Variants in N4BP2L2 observed in about 807,000 individuals in gnomAD.
N4BP2L2 encodes the protein NEDD4 binding protein 2 like 2.
N4BP2L2 carries 50 observed loss-of-function variants against 56.2 expected under a neutral mutation model. The ratio of observed to expected loss-of-function variants is 0.89; its 90% CI spans 0.71 to 1.13. N4BP2L2 has a LOEUF of 1.13. N4BP2L2 is among the 50% of genes most tolerant of loss of function. The pLI, the probability that N4BP2L2 is intolerant of heterozygous loss-of-function variation, is 0.00. For missense variants in N4BP2L2, 689 were observed against 693.8 expected (o/e 0.99, Z 0.08); for synonymous variants, 203 against 223.6 (o/e 0.91, Z 0.82).
At chr13:32,517,524 T>C (rs760812369) in exon 6 of N4BP2L2, 1 of 1,136,022 alleles carries the variant, frequency 8.8e-7, no homozygotes. Flanking sequence ...AATTCGATTG[T>C]AGAAAAACAT....
chr13:32,451,863 C>G (rs966125459), intron 6 of N4BP2L2, among the ~76,000 whole-genome samples: 3 of 151,858 alleles, frequency 2.0e-5, no homozygotes, highest in Admixed American at 6.6e-5. Flanking sequence ...TAAAAAGAAA[C>G]AGAAAGCCTG....
At chr13:32,499,855 C>T (rs2089615463) in intron 6 of N4BP2L2, among the ~76,000 whole-genome samples, 1 of 152,174 alleles carries the variant, frequency 6.6e-6, no homozygotes, top group Admixed American at 6.5e-5. Flanking sequence ...CACCAAGAAA[C>T]CATACAGCTA....
chr13:32,488,815 C>CA (rs1160523648), intron 6 of N4BP2L2, among the ~76,000 whole-genome samples: 2 of 151,758 alleles, frequency 1.3e-5, no homozygotes, highest in Admixed American at 6.6e-5. Flanking sequence ...AGAAATTAGG[C>CA]AAAAAAAGAA....
exon 7 of N4BP2L2, chr13:32,442,894 A>C (rs1410479767): frequency 6.2e-7 from 1 of 1,612,824 alleles, no homozygotes; most frequent in African/African-American, 1.3e-5. Context: ...AAAGGTCATA[A>C]GTTTTTGTTT....
At chr13:32,475,650 G>A (rs970337398) in intron 6 of N4BP2L2, among the ~76,000 whole-genome samples, 1 of 152,148 alleles carries the variant, frequency 6.6e-6, no homozygotes, top group Non-Finnish European at 1.5e-5. Context: ...AGGGAAGATG[G>A]AGCCTCCATC....
At chr13:32,455,049 G>A (rs1030720297) in intron 6 of N4BP2L2, among the ~76,000 whole-genome samples, 7 of 152,198 alleles carry the variant, frequency 4.6e-5, no homozygotes, top group Admixed American at 4.6e-4. Flanking sequence ...TGATAGCACT[G>A]CTCCAGAGAG....
At chr13:32,438,986 G>A (rs751341141) in intron 7 of N4BP2L2, among the ~76,000 whole-genome samples, 3 of 152,228 alleles carry the variant, frequency 2.0e-5, no homozygotes, top group South Asian at 2.1e-4. Flanking sequence ...AGCTTGGCTC[G>A]TCCAATCTAG....
In N4BP2L2 at chr13:32,444,407, G is replaced by C. The variant is rs1043928400; in HGVS notation, c.366-281C>G. On this transcript the variant is annotated intron_variant, in intron 6 of 9. Coordinates refer to the N4BP2L2 transcript ENST00000357505. ...ATCCTCGCAAGTAGCTGGTATTATG[G>C]GTGCCCACCACCACGCTTGTCTAAT... 3.3e-5 allele frequency among the ~76,000 whole-genome samples: 5 copies of C among 152,088 alleles called. No individual in the cohort carries two copies. The East Asian group carries it at 7.8e-4, about 24-fold the overall frequency.
At chr13:32,523,941 G>C (rs1162497232) in intron 3 of N4BP2L2, 1 of 152,120 alleles carries the variant, frequency 6.6e-6, no homozygotes, top group African/African-American at 2.4e-5. Context: ...AACACCTCTT[G>C]TTCCCCATTA....
chr13:32,532,353 C>T (rs116760645), intron 2 of N4BP2L2, among the ~76,000 whole-genome samples: 3 of 152,194 alleles, frequency 2.0e-5, no homozygotes, highest in African/African-American at 7.2e-5. Flanking sequence ...TTTTAAAAAC[C>T]TCTATTTTCT....
chr13:32,477,405 G>C (rs1428874935), intron 6 of N4BP2L2: 1 of 176,762 alleles, frequency 5.7e-6, no homozygotes, highest in Non-Finnish European at 1.2e-5. Context: ...TTAATGTATT[G>C]CAGCAAATTC....
At chr13:32,433,412 C>T (rs550281430) in intron 9 of N4BP2L2, among the ~76,000 whole-genome samples, 1 of 152,108 alleles carries the variant, frequency 6.6e-6, no homozygotes, top group Non-Finnish European at 1.5e-5. Context: ...GGGCAGATCA[C>T]CTGAGGTCAG....
intron 2 of N4BP2L2, among the ~76,000 whole-genome samples, chr13:32,529,898 G>A (rs760719136): frequency 6.6e-6 from 1 of 151,608 alleles, no homozygotes; most frequent in Non-Finnish European, 1.5e-5. Context: ...GCTAATTTTT[G>A]TATTTTTATT....
intron 6 of N4BP2L2, among the ~76,000 whole-genome samples, chr13:32,446,945 C>A (rs1273150524): frequency 6.6e-6 from 1 of 151,372 alleles, no homozygotes; most frequent in Admixed American, 6.6e-5. Flanking sequence ...CTCAGGGTCA[C>A]ATGGCTAGTG....
At chr13:32,467,553 C>T (rs929673188) in intron 6 of N4BP2L2, among the ~76,000 whole-genome samples, 11 of 150,772 alleles carry the variant, frequency 7.3e-5, no homozygotes, top group Admixed American at 6.6e-4. Flanking sequence ...GCTGGGATTA[C>T]AGGCGTGAGC....
At chr13:32,500,546 CAAAAAAAAAA>C (rs1169575568) in intron 6 of N4BP2L2, among the ~76,000 whole-genome samples, 1,476 of 52,250 alleles carry the variant, frequency 0.028, 17 homozygotes, top group African/African-American at 0.052. Flanking sequence ...CCTGTCTCTA[CAAAAAAAAAA>C]AAAAAAAAAA....
downstream of N4BP2L2, chr13:32,506,356 C>T (rs207631): frequency 0.69 from 105,028 of 152,040 alleles, 36,735 homozygotes; most frequent in Non-Finnish European, 0.75. Flanking sequence ...GTTAGAATTT[C>T]AATCTTCAGT....
chr13:32,445,551 G>A (rs182080143), intron 6 of N4BP2L2, among the ~76,000 whole-genome samples: 6 of 152,340 alleles, frequency 3.9e-5, no homozygotes, highest in East Asian at 3.9e-4. Context: ...TGTTGAGTCC[G>A]GTATTTGAGT....
At chr13:32,481,062 C>T (rs981956955) in intron 6 of N4BP2L2, among the ~76,000 whole-genome samples, 2 of 127,534 alleles carry the variant, frequency 1.6e-5, no homozygotes, top group African/African-American at 3.0e-5. Context: ...AAGGTTGCAG[C>T]GAGCCGAGAT....
Sources: allele counts gnomAD v4.1 joint callset (sites outside exome capture counted in the v4.1 genomes callset), GRCh38; gene constraint gnomAD v4.1.1; transcripts MANE v1.5; gene names NCBI Gene and HGNC (gene_info 2026-07-23, HGNC 2026-07-21).